BAALC: variants seen among roughly 807,000 people sequenced by gnomAD.
BAALC encodes BAALC binder of MAP3K1 and KLF4.
Under a neutral mutation model 15.5 loss-of-function variants are expected in BAALC, and 9 were observed. The ratio of observed to expected loss-of-function variants is 0.58; its 90% CI spans 0.35 to 1.02. The LOEUF is 1.02. BAALC is among the 50% of genes least tolerant of loss of function. The pLI is 0.02. For synonymous variants in BAALC, 80 were observed against 74.6 expected (o/e 1.07, Z -0.37); for missense variants, 201 against 192.4 (o/e 1.04, Z -0.27).
intron 1 of BAALC, among the ~76,000 whole-genome samples, chr8:103,148,708 A>T (rs1810923246): frequency 6.6e-6 from 1 of 152,068 alleles, no homozygotes; most frequent in African/African-American, 2.4e-5. Context: ...CAGAACTGGG[A>T]AACAGCAGGT....
chr8:103,194,936 A>G (rs1168542581), intron 1 of BAALC, among the ~76,000 whole-genome samples: 1 of 152,194 alleles, frequency 6.6e-6, no homozygotes, highest in Non-Finnish European at 1.5e-5. Flanking sequence ...CCTACCTTTT[A>G]ATACCACCAC....
intron 1 of BAALC, chr8:103,191,291 C>T (rs900131021): frequency 1.3e-5 from 2 of 151,986 alleles, no homozygotes; most frequent in Non-Finnish European, 2.9e-5. Context: ...ACCACCTTCT[C>T]GGTGATGCAT....
At chr8:103,201,955 T>C (rs1366101906) in intron 1 of BAALC, among the ~76,000 whole-genome samples, 2 of 152,232 alleles carry the variant, frequency 1.3e-5, no homozygotes, top group African/African-American at 2.4e-5. Context: ...TGGAATCGTA[T>C]TGTATAGTCT....
intron 2 of BAALC, among the ~76,000 whole-genome samples, chr8:103,214,740 T>G (rs1812521863): frequency 1.3e-5 from 2 of 152,150 alleles, no homozygotes; most frequent in African/African-American, 4.8e-5. Context: ...TAAACTAGGA[T>G]ATAGATAAGA....
intron 1 of BAALC, among the ~76,000 whole-genome samples, chr8:103,188,292 A>G (rs1328025209): frequency 6.6e-6 from 1 of 152,178 alleles, no homozygotes; most frequent in Non-Finnish European, 1.5e-5. Context: ...TAGAAGCCCT[A>G]AGATTTACTA....
At chr8:103,179,383 T>C (rs974481818) in intron 1 of BAALC, among the ~76,000 whole-genome samples, 10 of 152,240 alleles carry the variant, frequency 6.6e-5, no homozygotes, top group Non-Finnish European at 1.0e-4. Context: ...GCTCCTAGCA[T>C]AACGTTAATC....
At chr8:103,154,404 A>G (rs1811045180) in intron 1 of BAALC, among the ~76,000 whole-genome samples, 1 of 151,928 alleles carries the variant, frequency 6.6e-6, no homozygotes, top group Admixed American at 6.6e-5. Context: ...AGACATTTGC[A>G]ACAACTTTTG....
At chr8:103,192,811 C>T (rs538079293) in intron 1 of BAALC, among the ~76,000 whole-genome samples, 26 of 152,280 alleles carry the variant, frequency 1.7e-4, no homozygotes, top group South Asian at 1.2e-3. Context: ...CACTCCTTAG[C>T]GAGATACATA....
Position 103,181,474 on chromosome 8 carries a change from A to G in BAALC, c.161-31445A>G, listed in dbSNP as rs184146530. Among the ~76,000 whole-genome samples the G allele has an allele frequency of 2.9e-3, 438 of 152,114 alleles. 1 individual carries two copies. Among genetic ancestry groups the G allele is most frequent in the Non-Finnish European group, 4.5e-3 (305 of 67,998 alleles). ...TTTTAGTAGAGATGGGGGTTTCACC[A>G]TGTTAGCCAGGATGGTCTCGATCTC... On this transcript the variant is annotated intron_variant, in intron 1 of 2. Transcript: ENST00000309982.
intron 1 of BAALC, among the ~76,000 whole-genome samples, chr8:103,150,680 T>G (rs1477174582): frequency 2.0e-5 from 3 of 152,216 alleles, no homozygotes; most frequent in Admixed American, 1.3e-4. Context: ...TCACTTGTGG[T>G]GATGTTGTGA....
rs756375634 is a variant in BAALC, at chr8:103,230,294, A to G, written c.*2195A>G. The G allele has an allele frequency of 2.6e-5, 4 of 152,220 alleles. No homozygotes were observed. Among genetic ancestry groups the G allele is most frequent in the Non-Finnish European group, 4.4e-5 (3 of 68,034 alleles). 9.4% of individuals were successfully genotyped at this position (152,220 alleles called of 1,614,324 possible). ...AAAGTTTGTGTCAATAAAGTCATTAATTTTAAACATATATGGGCAGTTACA... is the reference window on the plus strand; with the variant it reads ...AAAGTTTGTGTCAATAAAGTCATTAGTTTTAAACATATATGGGCAGTTACA... On this transcript the variant is annotated 3_prime_UTR_variant, in exon 3 of 3. Transcript: ENST00000309982.
intron 1 of BAALC, chr8:103,171,869 A>G (rs1279857999): frequency 6.6e-6 from 1 of 152,190 alleles, no homozygotes; most frequent in Non-Finnish European, 1.5e-5. Flanking sequence ...AAATAGCCCC[A>G]AAACTAGATT....
At chr8:103,143,041 T>A (rs544627925) in intron 1 of BAALC, among the ~76,000 whole-genome samples, 15 of 152,316 alleles carry the variant, frequency 9.8e-5, no homozygotes, top group African/African-American at 3.6e-4. Flanking sequence ...TGGGAATTTC[T>A]GTTAGCCTCA....
chr8:103,205,830 A>G (rs184167211), intron 1 of BAALC, among the ~76,000 whole-genome samples: 1 of 152,302 alleles, frequency 6.6e-6, no homozygotes, highest in East Asian at 1.9e-4. Flanking sequence ...CCTGGGTTAA[A>G]CTTCAATTTC....
chr8:103,189,215 G>A (rs544914485), intron 1 of BAALC, among the ~76,000 whole-genome samples: 7 of 152,336 alleles, frequency 4.6e-5, no homozygotes, highest in Admixed American at 1.3e-4. Context: ...AGATGTTCAC[G>A]TTTGTTAAGA....
intron 1 of BAALC, among the ~76,000 whole-genome samples, chr8:103,185,838 G>T (rs1811823574): frequency 6.6e-6 from 1 of 152,236 alleles, no homozygotes; most frequent in Admixed American, 6.5e-5. Context: ...CTTTGAACTT[G>T]AAATATAAGT....
chr8:103,208,868 GTTTCATGTCCT>G (rs1407848505), intron 1 of BAALC, among the ~76,000 whole-genome samples: 6 of 152,270 alleles, frequency 3.9e-5, no homozygotes, highest in African/African-American at 1.4e-4. Flanking sequence ...AGGGAGCTGT[GTTTCATGTCCT>G]TCAACCCCCA....
chr8:103,222,810 A>G (rs182298486), intron 2 of BAALC, among the ~76,000 whole-genome samples: 2 of 152,274 alleles, frequency 1.3e-5, no homozygotes, highest in Admixed American at 1.3e-4. Flanking sequence ...CACAACTTTT[A>G]GAGTTATTGT....
At chr8:103,170,068 C>T (rs1174099502) in intron 1 of BAALC, among the ~76,000 whole-genome samples, 1 of 152,158 alleles carries the variant, frequency 6.6e-6, no homozygotes, top group Admixed American at 6.5e-5. Flanking sequence ...TTATCTCCTT[C>T]CCAGCTTCCA....
Sources: gnomAD v4.1 joint callset for allele counts (sites outside exome capture counted in the v4.1 genomes callset) on GRCh38, gnomAD v4.1.1 for gene constraint, MANE v1.5 for transcripts, NCBI Gene and HGNC (gene_info 2026-07-23, HGNC 2026-07-21) for gene names.